VHL: variants seen among roughly 807,000 people sequenced by gnomAD.
VHL encodes von Hippel-Lindau tumor suppressor, also known as von Hippel-Lindau disease tumor suppressor.
VHL carries 10 observed loss-of-function variants against 19.2 expected under a neutral mutation model. The ratio of observed to expected loss-of-function variants is 0.52; its 90% CI spans 0.32 to 0.89. VHL has a LOEUF of 0.89. Among genes scored for constraint, VHL ranks in the 40% least tolerant of loss-of-function variants. The pLI, the probability that VHL is intolerant of heterozygous loss-of-function variation, is 0.03. For synonymous variants in VHL, 167 were observed against 129.5 expected, an observed-to-expected ratio of 1.29 and a Z score of -1.97; for missense variants, 328 against 292.7, an observed-to-expected ratio of 1.12 and a Z score of -0.88.
intron 1 of VHL, among the ~76,000 whole-genome samples, chr3:10,144,359 C>T (rs891713176): frequency 8.6e-5 from 13 of 151,872 alleles, no homozygotes; most frequent in African/African-American, 3.1e-4. Flanking sequence ...GCCTTTAGTC[C>T]CAGCTACTTG....
rs1413188313 is a variant in VHL at position 10,150,125 on chromosome 3, G to A, written c.*160G>A. ...AAAAGAAAGTTAACTGACTTCACTA[G>A]GCATTGTGATGTTTAGGGGCAAACA... On this transcript the variant is annotated 3_prime_UTR_variant, in exon 3 of 3. Coordinates refer to ENST00000256474, the MANE Select transcript of VHL (RefSeq NM_000551.4). 2 of 1,507,562 alleles carry A rather than the reference G, an allele frequency of 1.3e-6. No homozygotes were observed. The highest frequency in any genetic ancestry group is 2.8e-5 in the African/African-American group (2 of 72,088). The allele number at this position is 1,507,562 out of a possible 1,614,324, so 93.4% of individuals were successfully genotyped here. A position where few individuals can be genotyped will look rare whatever the true frequency, so the allele number is the denominator to read the frequency against.
chr3:10,151,715 T>G lies in VHL; in HGVS notation c.*1750T>G, dbSNP rs993406381. On this transcript the variant is annotated 3_prime_UTR_variant, in exon 3 of 3. Transcript: ENST00000256474. The stretch of plus-strand genomic sequence containing the variant: ...TATAATTAATGTTTGTGGGTATTTC[T>G]TGGCATGCATCTTTAATTCCTTATC... The G allele has an allele frequency of 1.4e-5, 3 of 207,996 alleles. No homozygotes were observed. Among genetic ancestry groups the G allele is most frequent in the Non-Finnish European group, 2.9e-5 (3 of 102,276 alleles). 12.9% of individuals were successfully genotyped at this position (207,996 alleles called of 1,614,324 possible).
At position 10,151,584 on chromosome 3, in the gene VHL, T is replaced by C. The variant is rs145608408; in HGVS notation, c.*1619T>C. On this transcript the variant is annotated 3_prime_UTR_variant, in exon 3 of 3. Coordinates refer to ENST00000256474, the MANE Select transcript of VHL (RefSeq NM_000551.4). ...TTGGTTGGTTTTTACATAGTTGAGA[T>C]TGTACTGTTCATACAGTTTTATACC... is the stretch of plus-strand genomic sequence containing the variant. 366 of 225,128 alleles carry C rather than the reference T, an allele frequency of 1.6e-3. 1 individual carries two copies. The highest frequency in any genetic ancestry group is 9.6e-3 in the Middle Eastern group (7 of 726). 13.9% of individuals were successfully genotyped at this position (225,128 alleles called of 1,614,324 possible).
rs747805018 is a variant in VHL at position 10,149,935 on chromosome 3, G to A, written c.612G>A (p.Glu204=). The A allele has an allele frequency of 1.2e-5, 20 of 1,614,020 alleles. No homozygotes were observed. Among genetic ancestry groups the A allele is most frequent in the Admixed American group, 1.0e-4 (6 of 59,982 alleles). ...VQKDLERLTQ[E]RIAHQRMGD ...AAGACCTGGAGCGGCTGACACAGGA[G>A]CGCATTGCACATCAACGGATGGGAG... The change falls in exon 3 of 3, where the codon GAG becomes GAA. Residue 204 remains glutamate, a synonymous_variant. Coordinates refer to ENST00000256474, the MANE Select transcript of VHL (RefSeq NM_000551.4).
At chr3:10,142,360 T>TTTC (rs1226222438) in intron 1 of VHL, among the ~76,000 whole-genome samples, 173 bp downstream of exon 1, 1 of 149,294 alleles carries the variant, frequency 6.7e-6, no homozygotes, top group Non-Finnish European at 1.5e-5. Flanking sequence ...TTTTTTTTTT[T>TTTC]TCTGAGACGG....
rs1696163478 is a variant in VHL at position 10,142,954 on chromosome 3, G to A, written c.340+767G>A. On this transcript the variant is annotated intron_variant, in intron 1 of 2. Transcript: ENST00000256474. Reference sequence around the variant, plus strand: ...GAGATGGAGGGGTTGCGGTTGTGTGGTTTCAGTTAAGGAGCACTTCCCGGA... The same window carrying A: ...GAGATGGAGGGGTTGCGGTTGTGTGATTTCAGTTAAGGAGCACTTCCCGGA... 1 of 152,526 alleles carries A rather than the reference G, an allele frequency of 6.6e-6. No individual in the cohort carries two copies. Among genetic ancestry groups the A allele is most frequent in the East Asian group, 1.9e-4 (1 of 5,206 alleles). 9.4% of individuals were successfully genotyped at this position (152,526 alleles called of 1,614,324 possible).
rs556405301 is a variant in VHL at position 10,142,341 on chromosome 3, CTTTTTTTTT to C, written c.340+166_340+174del. Among the ~76,000 whole-genome samples the C allele has an allele frequency of 5.6e-5, 6 of 107,950 alleles. No homozygotes were observed. In the East Asian group the frequency reaches 1.1e-3, roughly 20 times the overall value. The allele number at this position is 107,950 out of a possible 152,430, so 70.8% of individuals were successfully genotyped here. On this transcript the variant is annotated intron_variant, in intron 1 of 2. Coordinates refer to ENST00000256474, the MANE Select transcript of VHL (RefSeq NM_000551.4). ...CGCTGCTCGTAAGCGTCAGAGCATTCTTTTTTTTTTTTTTTTTTTTCTGAGACGGAGTCT... is the reference window on the plus strand; with the variant it reads ...CGCTGCTCGTAAGCGTCAGAGCATTCTTTTTTTTTTTCTGAGACGGAGTCT...
At chr3:10,148,210 T>C (rs1696310929) in intron 2 of VHL, among the ~76,000 whole-genome samples, 1 of 152,016 alleles carries the variant, frequency 6.6e-6, no homozygotes, top group Non-Finnish European at 1.5e-5. Flanking sequence ...AAATGAGCAT[T>C]GCTAAGTTAA....
chr3:10,146,550 A>G lies in VHL; in HGVS notation c.377A>G (p.Asp126Gly), dbSNP rs1354593943. The G allele has an allele frequency of 6.2e-7, 1 of 1,613,838 alleles. No individual in the cohort carries two copies. The highest frequency in any genetic ancestry group is 1.3e-5 in the African/African-American group (1 of 74,890). Residue 126 changes from aspartate to glycine, a missense_variant, in exon 2 of 3, where the codon GAT (aspartate) becomes GGT (glycine). Physicochemically the swap from Asp to Gly is moderately conservative, Grantham distance 94 (BLOSUM62 -1). Coordinates refer to ENST00000256474, the MANE Select transcript of VHL (RefSeq NM_000551.4). Reference protein sequence around the residue: ...LWLFRDAGTHDGLLVNQTELF... With the variant: ...LWLFRDAGTHGGLLVNQTELF... Reference sequence around the variant, plus strand: ...CTCTTCAGAGATGCAGGGACACACGATGGGCTTCTGGTTAACCAAACTGAA... The same window carrying G: ...CTCTTCAGAGATGCAGGGACACACGGTGGGCTTCTGGTTAACCAAACTGAA...
In VHL at chr3:10,153,581, C is replaced by T. The variant is rs750516726; in HGVS notation, c.*3616C>T. 2.0e-5 allele frequency among the ~76,000 whole-genome samples: 3 copies of T among 148,668 alleles called. No homozygotes were observed. The highest frequency in any genetic ancestry group is 2.0e-4 in the East Asian group (1 of 5,058). On this transcript the variant is annotated 3_prime_UTR_variant, in exon 3 of 3. Transcript: ENST00000256474. ...TATTAAATATATCGCTCTTAAGAGA[C>T]GGTGAAGTTCCTATTTCAAGTTTTT...
chr3:10,146,994 T>C (rs1012995152), intron 2 of VHL, among the ~76,000 whole-genome samples: 3 of 151,976 alleles, frequency 2.0e-5, no homozygotes, highest in African/African-American at 7.3e-5. Flanking sequence ...TATTTTGGCT[T>C]ATTTGTTGCT....
Position 10,148,902 on chromosome 3 carries a change from A to G in VHL, c.464-885A>G, listed in dbSNP as rs566621467. ...TGACCAGGCTGATCTTGAACTCTTG[A>G]GCTCAGGCAGTCTGCCTGCCTCAGC... On this transcript the variant is annotated intron_variant, in intron 2 of 2. Transcript: ENST00000256474. 7.5e-5 allele frequency among the ~76,000 whole-genome samples: 11 copies of G among 147,342 alleles called. No homozygotes were observed. The South Asian group carries it at 1.7e-3, about 23-fold the overall frequency.
At chr3:10,148,318 T>A (rs1374396175) in intron 2 of VHL, among the ~76,000 whole-genome samples, 1 of 146,036 alleles carries the variant, frequency 6.8e-6, no homozygotes, top group Non-Finnish European at 1.5e-5. Flanking sequence ...AGATTTTCTT[T>A]TTTTTTTTTT....
At chr3:10,146,266 T>C (rs897581357) in intron 1 of VHL, among the ~76,000 whole-genome samples, 1 of 149,192 alleles carries the variant, frequency 6.7e-6, no homozygotes, top group Non-Finnish European at 1.5e-5. Flanking sequence ...CTCCACCTCC[T>C]GGGTTCACAC....
At position 10,145,341 on chromosome 3, in the gene VHL, C is replaced by T. The variant is rs547519244; in HGVS notation, c.341-1173C>T. 4.5e-4 allele frequency among the ~76,000 whole-genome samples: 69 copies of T among 152,142 alleles called. No homozygotes were observed. Among genetic ancestry groups the T allele is most frequent in the Non-Finnish European group, 8.7e-4 (59 of 68,028 alleles). ...GCTATATTTATTCTAAGACAACCTC[C>T]TCCTTCCTTAAACAGAATCTTAGGG... is the stretch of plus-strand genomic sequence containing the variant. On this transcript the variant is annotated intron_variant, in intron 1 of 2. Coordinates refer to ENST00000256474, the MANE Select transcript of VHL (RefSeq NM_000551.4).
At position 10,151,440 on chromosome 3, in the gene VHL, A is replaced by G. The variant is rs975345987; in HGVS notation, c.*1475A>G. 4.5e-6 allele frequency: 1 copy of G among 223,434 alleles called. No homozygotes were observed. The highest frequency in any genetic ancestry group is 2.2e-5 in the African/African-American group (1 of 44,922). 13.8% of individuals were successfully genotyped at this position (223,434 alleles called of 1,614,324 possible). ...TTAAAAAAATCTCCCCAGTAGAGAA[A>G]CATTTGGAAAAGACAGAAAACTAAA... is the stretch of plus-strand genomic sequence containing the variant. On this transcript the variant is annotated 3_prime_UTR_variant, in exon 3 of 3. Coordinates refer to ENST00000256474, the MANE Select transcript of VHL (RefSeq NM_000551.4).
At position 10,153,316 on chromosome 3, in the gene VHL, C is replaced by T. The variant is rs1171907591; in HGVS notation, c.*3351C>T. ...AAAAACAAAAATTATCCAGGTGTGGCGGTGGGCGCCTGTGAGGCAGGCGAA... is the reference window on the plus strand; with the variant it reads ...AAAAACAAAAATTATCCAGGTGTGGTGGTGGGCGCCTGTGAGGCAGGCGAA... On this transcript the variant is annotated 3_prime_UTR_variant, in exon 3 of 3. Coordinates refer to ENST00000256474, the MANE Select transcript of VHL (RefSeq NM_000551.4). Among the ~76,000 whole-genome samples the T allele has an allele frequency of 2.0e-5, 3 of 151,472 alleles. No individual in the cohort carries two copies. Among genetic ancestry groups the T allele is most frequent in the Non-Finnish European group, 4.4e-5 (3 of 67,878 alleles).
At position 10,149,871 on chromosome 3, in the gene VHL, C is replaced by T. The variant is rs5030823; in HGVS notation, c.548C>T (p.Ser183Leu). The T allele has an allele frequency of 8.7e-6, 14 of 1,614,030 alleles. No individual in the cohort carries two copies. Among genetic ancestry groups the T allele is most frequent in the Admixed American group, 5.0e-5 (3 of 59,980 alleles). ...ENYRRLDIVR[S>L]LYEDLEDHPN... ...TACAGGAGACTGGACATCGTCAGGTCGCTCTACGAAGATCTGGAAGACCAC... is the reference window on the plus strand; with the variant it reads ...TACAGGAGACTGGACATCGTCAGGTTGCTCTACGAAGATCTGGAAGACCAC... The change falls in exon 3 of 3, where the codon TCG (serine) becomes TTG (leucine). Residue 183 changes from serine (S) to leucine (L), a missense_variant. Coordinates refer to ENST00000256474, the MANE Select transcript of VHL (RefSeq NM_000551.4).
chr3:10,148,531 G>T (rs1208118948), intron 2 of VHL, among the ~76,000 whole-genome samples: 1 of 151,280 alleles, frequency 6.6e-6, no homozygotes, highest in Non-Finnish European at 1.5e-5. Context: ...AGCCGGGATG[G>T]TCTCGATCTC....
Sources: gnomAD v4.1 joint callset for allele counts (sites outside exome capture counted in the v4.1 genomes callset) on GRCh38, gnomAD v4.1.1 for gene constraint, MANE v1.5 for transcripts, NCBI Gene and HGNC (gene_info 2026-07-23, HGNC 2026-07-21) for gene names.